The following CLTRN variants were observed in gnomAD, a reference collection of about 807,000 sequenced individuals.
The protein encoded by CLTRN is collectrin, amino acid transport regulator.
A neutral mutation model predicts 14.5 loss-of-function variants in CLTRN; 12 were observed. The observed-to-expected ratio is 0.83, with a 90% CI of 0.53 to 1.34. The LOEUF is 1.34. Ranked by LOEUF, CLTRN falls within the 40% of genes most tolerant of loss-of-function variation. The pLI is 0.00. For missense variants in CLTRN, 154 were observed against 165.1 expected, an observed-to-expected ratio of 0.93 and a Z score of 0.37; for synonymous variants, 58 against 56.5, an observed-to-expected ratio of 1.03 and a Z score of -0.12.
At chrX:15,655,662 G>A (rs1405023145) in intron 3 of CLTRN, among the ~76,000 whole-genome samples, 1 of 111,905 alleles carries the variant, frequency 8.9e-6, no homozygotes, top group Non-Finnish European at 1.9e-5. Flanking sequence ...CTTCCACCAT[G>A]AGACTTCTCT....
chrX:15,654,406 C>T (rs1929298942), intron 3 of CLTRN, among the ~76,000 whole-genome samples: 1 of 112,581 alleles, frequency 8.9e-6, no homozygotes. Context: ...GGGAATTAGA[C>T]TAAACTTTGG....
At chrX:15,660,594 A>G (rs1929482515) in intron 2 of CLTRN, among the ~76,000 whole-genome samples, 1 of 108,217 alleles carries the variant, frequency 9.2e-6, no homozygotes, top group Non-Finnish European at 1.9e-5. Flanking sequence ...ACTTGAGCCC[A>G]GGAGCTCAAG....
chrX:15,665,003 T>C, upstream of CLTRN: 1 of 392,040 alleles, frequency 2.6e-6, no homozygotes, highest in Non-Finnish European at 4.5e-6. Context: ...AGATTAGTTG[T>C]TTTCCCTACT....
chrX:15,633,557 G>A (rs764218353), intron 5 of CLTRN, among the ~76,000 whole-genome samples: 8 of 112,443 alleles, frequency 7.1e-5, no homozygotes, highest in African/African-American at 2.3e-4. Flanking sequence ...TGTTATATTC[G>A]CTATGACATT....
In CLTRN at chrX:15,664,375, C is replaced by G; in HGVS notation, c.79G>C (p.Val27Leu). ...AGAGCTGTTCTGATACTAAGTCTCA[C>G]TTTAAAAGCATTTTCTGCACCTGCC... ...CQPGAENAFK[V>L]RLSIRTALGD... Residue 27 changes from valine to leucine, a missense_variant, in exon 2 of 6, where the codon GTG becomes CTG. Val to Leu is a conservative substitution (Grantham distance 32). Transcript: ENST00000380342. 8.4e-7 allele frequency: 1 copy of G among 1,190,667 alleles called. No individual in the cohort carries two copies. The highest frequency in any genetic ancestry group is 1.1e-6 in the Non-Finnish European group (1 of 883,100).
chrX:15,628,230 C>G, intron 5 of CLTRN, 103 bp from the exon 6 acceptor site: 1 of 533,596 alleles, frequency 1.9e-6, no homozygotes, highest in South Asian at 9.7e-5. Context: ...GGAATAGGAA[C>G]CTTAGAACAA....
At chrX:15,670,682 G>A (rs1929701093) in intron 1 of CLTRN, among the ~76,000 whole-genome samples, 1 of 111,055 alleles carries the variant, frequency 9.0e-6, no homozygotes, top group Non-Finnish European at 1.9e-5. Context: ...GAGACACTTG[G>A]CAACGTCTGG....
At chrX:15,660,790 G>C (rs749182510) in intron 2 of CLTRN, among the ~76,000 whole-genome samples, 1 of 99,308 alleles carries the variant, frequency 1.0e-5, no homozygotes, top group African/African-American at 3.8e-5. Context: ...CTGGATGACA[G>C]AGTGAGACCC....
rs767933303 is a variant in CLTRN at position 15,636,572 on chromosome X, C to A, written c.512+2990G>T. Among the ~76,000 whole-genome samples, 475 of 111,751 alleles carry A rather than the reference C, an allele frequency of 4.3e-3. 3 individuals carry two copies. The highest frequency in any genetic ancestry group is 0.015 in the African/African-American group (460 of 30,830). Reference sequence around the variant, plus strand: ...ATATACAACTTTTATTTGTTAACAACACCTTAATAAAATAAAACAAGCATT... The same window carrying A: ...ATATACAACTTTTATTTGTTAACAAAACCTTAATAAAATAAAACAAGCATT... On this transcript the variant is annotated intron_variant, in intron 5 of 5. Coordinates refer to ENST00000380342, the MANE Select transcript of CLTRN (RefSeq NM_020665.6).
chrX:15,651,906 T>A (rs999047305), intron 3 of CLTRN, among the ~76,000 whole-genome samples: 1 of 111,585 alleles, frequency 9.0e-6, no homozygotes, highest in African/African-American at 3.3e-5. Context: ...CCCGAAACTT[T>A]ATCTACTCAC....
At chrX:15,664,146 ATAC>A (rs1206062525) in intron 2 of CLTRN, among the ~76,000 whole-genome samples, 188 bp downstream of exon 2, 6 of 112,426 alleles carry the variant, frequency 5.3e-5, no homozygotes, top group Non-Finnish European at 1.1e-4. Flanking sequence ...TACTGATTAA[ATAC>A]TTTAGGCAAA....
chrX:15,669,345 A>T (rs923602741), upstream of CLTRN, among the ~76,000 whole-genome samples: 4 of 112,216 alleles, frequency 3.6e-5, no homozygotes, highest in Admixed American at 2.8e-4. Context: ...GAGCTTCATA[A>T]CTTATTAGTA....
chrX:15,661,547 C>T (rs771030607), intron 2 of CLTRN, among the ~76,000 whole-genome samples: 3 of 112,421 alleles, frequency 2.7e-5, no homozygotes, highest in Non-Finnish European at 3.8e-5. Context: ...GGCATTCAAA[C>T]ACTTCAAAGA....
chrX:15,656,107 C>T (rs1929354499), intron 3 of CLTRN, among the ~76,000 whole-genome samples: 1 of 112,122 alleles, frequency 8.9e-6, no homozygotes. Context: ...CTCTGATCCC[C>T]TTAGGGAATC....
At chrX:15,664,273 T>C in intron 2 of CLTRN, 64 bp downstream of exon 2, 1 of 849,332 alleles carries the variant, frequency 1.2e-6, no homozygotes, top group Non-Finnish European at 1.7e-6. Flanking sequence ...AGGCCCATTA[T>C]TAGAGAAAGC....
intron 2 of CLTRN, among the ~76,000 whole-genome samples, chrX:15,660,220 T>C (rs1040104173): frequency 9.0e-6 from 1 of 111,705 alleles, no homozygotes; most frequent in Admixed American, 9.5e-5. Flanking sequence ...GACTCCTAAA[T>C]AACAACAACA....
chrX:15,670,836 G>C (rs1310843455), intron 1 of CLTRN, among the ~76,000 whole-genome samples: 4 of 107,101 alleles, frequency 3.7e-5, no homozygotes, highest in Admixed American at 3.1e-4. Context: ...TGAGTTAATG[G>C]AAATAACCCA....
chrX:15,672,552 T>G (rs929044812), intron 1 of CLTRN, among the ~76,000 whole-genome samples: 1 of 111,211 alleles, frequency 9.0e-6, no homozygotes, highest in Non-Finnish European at 1.9e-5. Context: ...AACTTTTAGG[T>G]TATATGCTCT....
intron 1 of CLTRN, 50 bp from the exon 2 acceptor site, chrX:15,664,445 C>A: frequency 9.6e-7 from 1 of 1,042,609 alleles, no homozygotes; most frequent in Non-Finnish European, 1.3e-6. Context: ...TAGGATCTGC[C>A]AAAACAGAGT....
Sources: allele counts gnomAD v4.1 joint callset (sites outside exome capture counted in the v4.1 genomes callset), GRCh38; gene constraint gnomAD v4.1.1; transcripts MANE v1.5; gene names NCBI Gene and HGNC (gene_info 2026-07-23, HGNC 2026-07-21).